Variants in PDE1A observed in about 807,000 individuals in gnomAD.
PDE1A encodes the protein dual specificity calcium/calmodulin-dependent 3',5'-cyclic nucleotide phosphodiesterase 1A.
A neutral mutation model predicts 61.7 loss-of-function variants in PDE1A; 35 were observed. That is an observed-to-expected ratio of 0.57 (90% CI 0.43 to 0.75). PDE1A has a LOEUF of 0.75. PDE1A is among the 30% of genes least tolerant of loss of function. The pLI, the probability that PDE1A is intolerant of heterozygous loss-of-function variation, is 0.00. For synonymous variants in PDE1A, 232 were observed against 213.2 expected (o/e 1.09, Z -0.77); for missense variants, 597 against 630.6 (o/e 0.95, Z 0.57).
chr2:182,493,159 C>T (rs540103282), intron 2 of PDE1A, among the ~76,000 whole-genome samples: 142 of 152,010 alleles, frequency 9.3e-4, no homozygotes, highest in Admixed American at 1.5e-3. Context: ...CAAAGCATGC[C>T]TTGCTATACC....
At chr2:182,276,019 C>A (rs1559284953) in intron 1 of PDE1A, among the ~76,000 whole-genome samples, 1 of 152,092 alleles carries the variant, frequency 6.6e-6, no homozygotes, top group Non-Finnish European at 1.5e-5. Flanking sequence ...ATACTCCTAA[C>A]TCTAGAAAGG....
At chr2:182,386,023 C>T (rs897445638) in intron 1 of PDE1A, among the ~76,000 whole-genome samples, 1 of 152,218 alleles carries the variant, frequency 6.6e-6, no homozygotes, top group Non-Finnish European at 1.5e-5. Flanking sequence ...CCACGCCTGA[C>T]TGTGTTTTTT....
At chr2:182,617,025 C>A in the PDE1A span, among the ~76,000 whole-genome samples, 2 of 152,186 alleles carry the variant, frequency 1.3e-5, no homozygotes, top group Non-Finnish European at 2.9e-5. Context: ...CTTGCCCAAA[C>A]AGAGGTTTGA....
chr2:182,613,769 A>G, the PDE1A span, among the ~76,000 whole-genome samples: 1 of 152,298 alleles, frequency 6.6e-6, no homozygotes, highest in Non-Finnish European at 1.5e-5. Flanking sequence ...ATTTTTAACC[A>G]TGAGTTTCCC....
Position 182,205,922 on chromosome 2 carries a change from G to T in PDE1A, c.902+18C>A. On this transcript the variant is annotated intron_variant, in intron 8 of 13. Coordinates refer to ENST00000351439, the Ensembl canonical transcript of PDE1A. ...TTTCCTGAAATTAAATTTCCTCTAG[G>T]TTTTCTCTGAAACTCACCTCCAGTC... 6.3e-7 allele frequency: 1 copy of T among 1,589,374 alleles called. No individual in the cohort carries two copies. Among genetic ancestry groups the T allele is most frequent in the Non-Finnish European group, 8.6e-7 (1 of 1,166,264 alleles).
At chr2:182,472,105 G>A (rs1190479810) in intron 2 of PDE1A, among the ~76,000 whole-genome samples, 1 of 151,950 alleles carries the variant, frequency 6.6e-6, no homozygotes, top group African/African-American at 2.4e-5. Flanking sequence ...AACACTGTTG[G>A]TGAGAATGTA....
intron 1 of PDE1A, among the ~76,000 whole-genome samples, chr2:182,360,825 T>A (rs1699461458): frequency 6.6e-6 from 1 of 152,016 alleles, no homozygotes; most frequent in Admixed American, 6.6e-5. Context: ...CTGTATGGAT[T>A]CTTGACAAGT....
chr2:182,706,196 TAGC>T, the PDE1A span, among the ~76,000 whole-genome samples: 1 of 152,184 alleles, frequency 6.6e-6, no homozygotes, highest in Non-Finnish European at 1.5e-5. Context: ...AAGAGCCTCT[TAGC>T]GGCTACTCCC....
chr2:182,615,523 A>G, the PDE1A span, among the ~76,000 whole-genome samples: 1 of 152,248 alleles, frequency 6.6e-6, no homozygotes, highest in Non-Finnish European at 1.5e-5. Context: ...TTCCCTATTA[A>G]GATTAAATAT....
intron 1 of PDE1A, among the ~76,000 whole-genome samples, chr2:182,280,536 A>C (rs61033495): frequency 6.6e-6 from 1 of 151,984 alleles, no homozygotes; most frequent in South Asian, 2.1e-4. Context: ...ATAGTCTGAC[A>C]GAATATTCTA....
At chr2:182,179,326 T>C (rs1485305581) in intron 13 of PDE1A, among the ~76,000 whole-genome samples, 2 of 152,168 alleles carry the variant, frequency 1.3e-5, no homozygotes, top group Non-Finnish European at 2.9e-5. Context: ...CAGAACAACA[T>C]TTGTGTTGTC....
At chr2:182,605,540 C>T in the PDE1A span, among the ~76,000 whole-genome samples, 3 of 152,224 alleles carry the variant, frequency 2.0e-5, no homozygotes, top group Non-Finnish European at 4.4e-5. Context: ...CAATGGATGG[C>T]CTCGTGAAAT....
chr2:182,438,060 T>A (rs1203549878), intron 2 of PDE1A, among the ~76,000 whole-genome samples: 2 of 151,828 alleles, frequency 1.3e-5, no homozygotes, highest in Admixed American at 1.3e-4. Flanking sequence ...CTGAAGGGAT[T>A]TTCAAGGTCA....
chr2:182,689,139 G>A, the PDE1A span, among the ~76,000 whole-genome samples: 1 of 152,102 alleles, frequency 6.6e-6, no homozygotes. Context: ...AGTTAACAAG[G>A]ATATCCAGGA....
chr2:182,425,886 A>G (rs1703588339), intron 1 of PDE1A, among the ~76,000 whole-genome samples: 1 of 152,192 alleles, frequency 6.6e-6, no homozygotes, highest in Non-Finnish European at 1.5e-5. Context: ...ATTATTTTTT[A>G]TTTTAAATTC....
chr2:182,469,227 C>T (rs1686871350), intron 2 of PDE1A, among the ~76,000 whole-genome samples: 1 of 151,724 alleles, frequency 6.6e-6, no homozygotes, highest in Non-Finnish European at 1.5e-5. Flanking sequence ...AAATCTGTGT[C>T]ATCTACACTG....
intron 2 of PDE1A, among the ~76,000 whole-genome samples, chr2:182,517,196 T>A (rs1360355289): frequency 6.6e-6 from 1 of 152,244 alleles, no homozygotes; most frequent in African/African-American, 2.4e-5. Flanking sequence ...ACCCATGTTC[T>A]ACCAGATACT....
intron 6 of PDE1A, among the ~76,000 whole-genome samples, chr2:182,224,899 T>G (rs867352797): frequency 6.6e-6 from 1 of 151,836 alleles, no homozygotes; most frequent in South Asian, 2.1e-4. Context: ...GAGAACACTA[T>G]AAATAGATGG....
chr2:182,292,275 G>A (rs1694588474), intron 1 of PDE1A, among the ~76,000 whole-genome samples: 1 of 151,880 alleles, frequency 6.6e-6, no homozygotes. Flanking sequence ...GGTTATTTAT[G>A]TTGACCTATA....
Sources: gnomAD v4.1 joint callset for allele counts (sites outside exome capture counted in the v4.1 genomes callset) on GRCh38, gnomAD v4.1.1 for gene constraint, MANE v1.5 for transcripts, NCBI Gene and HGNC (gene_info 2026-07-23, HGNC 2026-07-21) for gene names.